The following LRRC8D variants were observed in gnomAD, a reference collection of about 807,000 sequenced individuals.
LRRC8D encodes the protein leucine rich repeat containing 8 VRAC subunit D, also known as volume-regulated anion channel subunit LRRC8D.
LRRC8D carries 20 observed loss-of-function variants against 55.8 expected under a neutral mutation model. The ratio of observed to expected loss-of-function variants is 0.36; its 90% CI spans 0.25 to 0.52. LRRC8D has a LOEUF of 0.52. LRRC8D is among the 20% of genes least tolerant of loss of function. The pLI, the probability that LRRC8D is intolerant of heterozygous loss-of-function variation, is 0.93. For synonymous variants in LRRC8D, 352 were observed against 377.0 expected, an observed-to-expected ratio of 0.93 and a Z score of 0.77; for missense variants, 651 against 1,030.8, an observed-to-expected ratio of 0.63 and a Z score of 5.05.
intron 2 of LRRC8D, among the ~76,000 whole-genome samples, chr1:89,884,636 G>A (rs527846071): frequency 2.0e-4 from 31 of 152,332 alleles, no homozygotes; most frequent in Admixed American, 6.5e-4. Context: ...TAGAAGCAGG[G>A]TGACCTTTAG....
chr1:89,907,399 C>T (rs1663024472), intron 2 of LRRC8D, among the ~76,000 whole-genome samples: 1 of 151,938 alleles, frequency 6.6e-6, no homozygotes, highest in Admixed American at 6.6e-5. Context: ...CCATGTTGGC[C>T]AGGCTGGTCT....
chr1:89,882,829 T>A (rs1662318727), intron 2 of LRRC8D, among the ~76,000 whole-genome samples: 1 of 152,122 alleles, frequency 6.6e-6, no homozygotes, highest in Admixed American at 6.5e-5. Context: ...CCGTTCCATA[T>A]GAGAAAAGAA....
Position 89,842,081 on chromosome 1 carries a change from C to T in LRRC8D, c.-147-1557C>T, listed in dbSNP as rs1316537945. Among the ~76,000 whole-genome samples the T allele has an allele frequency of 2.0e-5, 3 of 151,746 alleles. 1 individual carries two copies. Among genetic ancestry groups the T allele is most frequent in the Admixed American group, 2.0e-4 (3 of 15,234 alleles). On this transcript the variant is annotated intron_variant, in intron 1 of 2. Transcript: ENST00000337338. ...CAAAAAAATTAGCTGGGCATGGTGG[C>T]GTGTGCCTGTAGTTTAAGCTTCTCG...
intron 1 of LRRC8D, among the ~76,000 whole-genome samples, chr1:89,839,596 C>T (rs1661083517): frequency 6.6e-6 from 1 of 152,152 alleles, no homozygotes; most frequent in African/African-American, 2.4e-5. Context: ...AAATGCCAAT[C>T]AGGCCAGCCA....
intron 1 of LRRC8D, among the ~76,000 whole-genome samples, chr1:89,838,637 G>T (rs1661060889): frequency 6.6e-6 from 1 of 152,084 alleles, no homozygotes; most frequent in South Asian, 2.1e-4. Flanking sequence ...TCAGAATTTT[G>T]GGGGATCTTA....
At chr1:89,848,636 C>T (rs535624538) in intron 2 of LRRC8D, among the ~76,000 whole-genome samples, 1 of 152,246 alleles carries the variant, frequency 6.6e-6, no homozygotes, top group East Asian at 1.9e-4. Flanking sequence ...CAAATAGACA[C>T]TGATTATCTC....
rs1028756020 is a variant in LRRC8D, at chr1:89,828,251, C to T, written c.-148+6960C>T. On this transcript the variant is annotated intron_variant, in intron 1 of 2. Transcript: ENST00000337338. ...CCAAACAGCACATGGTCCACCATGG[C>T]CCTTGGTGCCTCCATGAGATAGTGC... is the stretch of plus-strand genomic sequence containing the variant. Among the ~76,000 whole-genome samples the T allele has an allele frequency of 8.1e-4, 123 of 152,308 alleles. 1 individual carries two copies. The highest frequency in any genetic ancestry group is 2.8e-3 in the African/African-American group (115 of 41,568).
chr1:89,859,504 G>A (rs931294756), intron 2 of LRRC8D, among the ~76,000 whole-genome samples: 6 of 152,116 alleles, frequency 3.9e-5, no homozygotes, highest in Non-Finnish European at 8.8e-5. Context: ...AATAGAAATG[G>A]TTCGGGGTTA....
chr1:89,868,702 T>C (rs1268253852), intron 2 of LRRC8D, among the ~76,000 whole-genome samples: 1 of 152,192 alleles, frequency 6.6e-6, no homozygotes, highest in Admixed American at 6.5e-5. Flanking sequence ...AAAGGAAATT[T>C]AGGTTCAGCA....
intron 2 of LRRC8D, among the ~76,000 whole-genome samples, chr1:89,910,616 G>T (rs1663111705): frequency 6.6e-6 from 1 of 152,038 alleles, no homozygotes. Context: ...GAGGGGGCAG[G>T]TATGGGCTTC....
chr1:89,863,851 G>A (rs1489815843), intron 2 of LRRC8D, among the ~76,000 whole-genome samples: 1 of 152,172 alleles, frequency 6.6e-6, no homozygotes, highest in Non-Finnish European at 1.5e-5. Flanking sequence ...GAGGGAGTGG[G>A]TCATGGGAAA....
intron 2 of LRRC8D, among the ~76,000 whole-genome samples, chr1:89,924,449 CACTT>C (rs1466090933): frequency 6.6e-6 from 1 of 152,182 alleles, no homozygotes; most frequent in Non-Finnish European, 1.5e-5. Context: ...GAAAAGAAAA[CACTT>C]ACGCACTGCT....
In LRRC8D at chr1:89,933,608, C is replaced by T. The variant is rs781088661; in HGVS notation, c.540C>T (p.Ser180=). ...ATACTATTATTCTCATGGTCAGTAGCAACTTTTGGTTCAAATATCCCAAAA... is the reference window on the plus strand; with the variant it reads ...ATACTATTATTCTCATGGTCAGTAGTAACTTTTGGTTCAAATATCCCAAAA... ...LIHTIILMVS[S]NFWFKYPKTC... Residue 180 remains serine, a synonymous_variant, in exon 3 of 3, where the codon AGC becomes AGT. Transcript: ENST00000337338. The surrounding 1 kb of genome is among the most constrained non-coding windows in gnomAD (Gnocchi z 7.0). 1 of 1,614,148 alleles carries T rather than the reference C, an allele frequency of 6.2e-7. No individual in the cohort carries two copies. The highest frequency in any genetic ancestry group is 8.5e-7 in the Non-Finnish European group (1 of 1,180,016).
At position 89,927,468 on chromosome 1, in the gene LRRC8D, A is replaced by G. The variant is rs79179141; in HGVS notation, c.-2-5599A>G. On this transcript the variant is annotated intron_variant, in intron 2 of 2. Transcript: ENST00000337338. ...TTGATAGGCATTTGGATAGCTTACA[A>G]TTTAGAGCTAATACAAATGGTGCTG... 2.8e-3 allele frequency among the ~76,000 whole-genome samples: 427 copies of G among 152,378 alleles called. 2 individuals are homozygous for G. Among genetic ancestry groups the G allele is most frequent in the Non-Finnish European group, 4.2e-3 (284 of 68,036 alleles).
intron 2 of LRRC8D, among the ~76,000 whole-genome samples, chr1:89,918,093 A>C (rs772380832): frequency 6.6e-6 from 1 of 152,246 alleles, no homozygotes; most frequent in Admixed American, 6.5e-5. Flanking sequence ...AATTAGAAGA[A>C]GACTTAGAGT....
At chr1:89,908,311 A>G (rs1302663364) in intron 2 of LRRC8D, among the ~76,000 whole-genome samples, 1 of 152,216 alleles carries the variant, frequency 6.6e-6, no homozygotes, top group Non-Finnish European at 1.5e-5. Flanking sequence ...ACCTCTGTGA[A>G]ATAGGTGGTC....
At chr1:89,923,453 C>G (rs1392348897) in intron 2 of LRRC8D, among the ~76,000 whole-genome samples, 2 of 152,184 alleles carry the variant, frequency 1.3e-5, no homozygotes, top group Admixed American at 6.5e-5. Context: ...TCCCTTCTCT[C>G]ATTGGCTTAA....
chr1:89,912,929 T>G (rs76238328), intron 2 of LRRC8D, among the ~76,000 whole-genome samples: 2,169 of 152,302 alleles, frequency 0.014, 52 homozygotes, highest in African/African-American at 0.048. Flanking sequence ...TGTTACCAAC[T>G]AAACTGCTGA....
chr1:89,847,795 T>C (rs1489863586), intron 2 of LRRC8D, among the ~76,000 whole-genome samples: 1 of 152,250 alleles, frequency 6.6e-6, no homozygotes, highest in East Asian at 1.9e-4. Flanking sequence ...TCGTATCTCT[T>C]ATAATTGCAG....
Sources: allele counts gnomAD v4.1 joint callset (sites outside exome capture counted in the v4.1 genomes callset), GRCh38; gene constraint gnomAD v4.1.1; non-coding constraint Gnocchi (gnomAD v3.1); transcripts MANE v1.5; gene names NCBI Gene and HGNC (gene_info 2026-07-23, HGNC 2026-07-21).